The following MDGA1 variants were observed in gnomAD, a reference collection of about 807,000 sequenced individuals.
The protein encoded by MDGA1 is MAM domain containing glycosylphosphatidylinositol anchor 1.
A neutral mutation model predicts 101.5 loss-of-function variants in MDGA1; 54 were observed. The ratio of observed to expected loss-of-function variants is 0.53; its 90% confidence interval spans 0.43 to 0.67. The LOEUF (loss-of-function observed/expected upper bound fraction) is 0.67, where lower values mean the gene tolerates loss of function less well. MDGA1 is among the 30% of genes least tolerant of loss of function. The pLI, the probability that MDGA1 is intolerant of heterozygous loss-of-function variation, is 0.00. For synonymous variants in MDGA1, 533 were observed against 558.3 expected (o/e 0.95, Z 0.64); for missense variants, 1,083 against 1,323.8 (o/e 0.82, Z 2.82).
At chr6:37,647,381 AGAG>A in intron 9 of MDGA1, 57 bp from the exon 10 acceptor site, 1 of 1,130,348 alleles carries the variant, frequency 8.8e-7, no homozygotes, top group Non-Finnish European at 1.2e-6. Flanking sequence ...AGACACAAAG[AGAG>A]GAGGTGTGGG....
At chr6:37,687,347 G>C (rs1009413478) in intron 1 of MDGA1, among the ~76,000 whole-genome samples, 4 of 149,568 alleles carry the variant, frequency 2.7e-5, no homozygotes, top group Non-Finnish European at 5.9e-5. Context: ...CTTGAGCCCA[G>C]AGTTTGAGAC....
chr6:37,652,670 C>T lies in MDGA1; in HGVS notation c.983-330G>A, dbSNP rs1394606454. On this transcript the variant is annotated intron_variant, in intron 6 of 16. Coordinates refer to ENST00000434837, the MANE Select transcript of MDGA1 (RefSeq NM_153487.4). The surrounding 1 kb of genome is among the most constrained non-coding windows in gnomAD (Gnocchi z 4.3). The stretch of plus-strand genomic sequence containing the variant: ...AATCTCTGAAGGAGATGCTTTATTA[C>T]CCCCATTTTACAAAGAAGGGAACTG... Among the ~76,000 whole-genome samples, 1 of 152,210 alleles carries T rather than the reference C, an allele frequency of 6.6e-6. No individual in the cohort carries two copies. Among genetic ancestry groups the T allele is most frequent in the Non-Finnish European group, 1.5e-5 (1 of 68,038 alleles).
Position 37,638,399 on chromosome 6 carries a change from T to C in MDGA1, c.2668-86A>G, listed in dbSNP as rs2113993454. ...GCTCCCTCGACCCCACCTTTCCCCT[T>C]AATCTACCTGGAAGTTCCCCCTAAC... On this transcript the variant is annotated intron_variant, in intron 15 of 16. Transcript: ENST00000434837. The surrounding 1 kb of genome is among the most constrained non-coding windows in gnomAD (Gnocchi z 4.8). 1.3e-6 allele frequency: 2 copies of C among 1,505,676 alleles called. No homozygotes were observed. The highest frequency in any genetic ancestry group is 1.4e-5 in the African/African-American group (1 of 72,866). 93.3% of individuals were successfully genotyped at this position (1,505,676 alleles called of 1,614,324 possible).
At chr6:37,676,770 G>A (rs533204896) in intron 1 of MDGA1, among the ~76,000 whole-genome samples, 1 of 152,282 alleles carries the variant, frequency 6.6e-6, no homozygotes, top group South Asian at 2.1e-4. Flanking sequence ...GGTGGCTTGT[G>A]CCTGTAATCC....
In MDGA1 at chr6:37,636,108, A is replaced by G. The variant is rs1561836503; in HGVS notation, c.*1260T>C. ...GAAGGGGCTGGGCCTTCTCTCTCCC[A>G]TGGATGGCTAGGTGGGGGCTCAGGT... On this transcript the variant is annotated 3_prime_UTR_variant, in exon 17 of 17. Coordinates refer to ENST00000434837, the MANE Select transcript of MDGA1 (RefSeq NM_153487.4). The G allele has an allele frequency of 2.3e-5, 4 of 171,176 alleles. No individual in the cohort carries two copies. The East Asian group carries it at 6.6e-4, about 28-fold the overall frequency. The allele number at this position is 171,176 out of a possible 1,614,324, so 10.6% of individuals were successfully genotyped here.
chr6:37,676,845 T>C (rs1972188), intron 1 of MDGA1, among the ~76,000 whole-genome samples: 126,866 of 150,830 alleles, frequency 0.84, 53,854 homozygotes, highest in African/African-American at 0.96. Context: ...TGCAGTGAGC[T>C]GAGATTGTGC....
intron 5 of MDGA1, 60 bp downstream of exon 5, chr6:37,654,740 A>G: frequency 6.2e-7 from 1 of 1,605,206 alleles, no homozygotes. Context: ...GTGGGGCACT[A>G]TCTCCTGGTT....
chr6:37,649,161 G>A lies in MDGA1; in HGVS notation c.1715C>T (p.Ser572Leu), dbSNP rs560734390. 28 of 1,503,286 alleles carry A rather than the reference G, an allele frequency of 1.9e-5. No homozygotes were observed. In the Admixed American group the frequency reaches 5.2e-4, roughly 28 times the overall value. The allele number at this position is 1,503,286 out of a possible 1,614,324, so 93.1% of individuals were successfully genotyped here. Residue 572 changes from serine to leucine, a missense_variant, in exon 9 of 17, where the codon TCG becomes TTG. Transcript: ENST00000434837. ...LLRGSPQRIA[S>L]AVWRFKGQLL... is the part of the protein sequence containing the mutation. ...CTGCCCTTTGAAACGCCACACAGCC[G>A]AGGCGATGCGCTGGGGGCTGCCTCG...
Position 37,641,230 on chromosome 6 carries a change from A to G in MDGA1, c.2537-2563T>C, listed in dbSNP as rs1209104882. 2.0e-5 allele frequency among the ~76,000 whole-genome samples: 3 copies of G among 152,272 alleles called. No individual in the cohort carries two copies. In the East Asian group the frequency reaches 5.8e-4, roughly 29 times the overall value. ...CTCTCTCCCACCAGGGGGTCTGTCTATCTGGTGTCACAGATGGTACACCTT... is the reference window on the plus strand; with the variant it reads ...CTCTCTCCCACCAGGGGGTCTGTCTGTCTGGTGTCACAGATGGTACACCTT... On this transcript the variant is annotated intron_variant, in intron 14 of 16. Transcript: ENST00000434837.
Position 37,638,457 on chromosome 6 carries a change from A to G in MDGA1, c.2667+80T>C. 6.3e-7 allele frequency: 1 copy of G among 1,590,678 alleles called. No individual in the cohort carries two copies. On this transcript the variant is annotated intron_variant, in intron 15 of 16. Transcript: ENST00000434837. The surrounding 1 kb of genome is among the most constrained non-coding windows in gnomAD (Gnocchi z 4.8). Reference sequence around the variant, plus strand: ...TTTCCATCCTTAGCCCCCAGGAAGAAGGACAAGGTTTTCCTAAGTGTTTCC... The same window carrying G: ...TTTCCATCCTTAGCCCCCAGGAAGAGGGACAAGGTTTTCCTAAGTGTTTCC...
chr6:37,671,039 T>C (rs932646615), intron 1 of MDGA1, among the ~76,000 whole-genome samples: 11 of 152,214 alleles, frequency 7.2e-5, no homozygotes, highest in Non-Finnish European at 1.0e-4. Flanking sequence ...GAACCAAGTG[T>C]GCTTCCTTGC....
chr6:37,654,864 C>T lies in MDGA1; in HGVS notation c.648G>A (p.Val216=), dbSNP rs750226346. The T allele has an allele frequency of 1.9e-6, 3 of 1,613,816 alleles. No individual in the cohort carries two copies. Among genetic ancestry groups the T allele is most frequent in the Non-Finnish European group, 2.5e-6 (3 of 1,179,842 alleles). ...PQDYASYTCQ[V]SVRNVCGIPD... is the part of the protein sequence containing the mutation. Reference sequence around the variant, plus strand: ...GGATGCCGCACACGTTACGCACAGACACCTGGCAGGTGTAGCTGGCATAGT... The same window carrying T: ...GGATGCCGCACACGTTACGCACAGATACCTGGCAGGTGTAGCTGGCATAGT... Residue 216 remains valine (V), a synonymous_variant, in exon 5 of 17, where the codon GTG becomes GTA. Transcript: ENST00000434837.
At position 37,646,264 on chromosome 6, in the gene MDGA1, G is replaced by A. The variant is rs779833010; in HGVS notation, c.2158C>T (p.Arg720Cys). 44 of 1,605,200 alleles carry A rather than the reference G, an allele frequency of 2.7e-5. No individual in the cohort carries two copies. In the Middle Eastern group the frequency reaches 5.0e-4, roughly 18 times the overall value. Reference protein sequence around the residue: ...DLRVPHSYEVRLTPYTTFGAG... With the variant: ...DLRVPHSYEVCLTPYTTFGAG... ...CCGAAGGTGGTATAGGGTGTGAGGCGGACCTCATAGCTGTGGGGCACACGG... is the reference window on the plus strand; with the variant it reads ...CCGAAGGTGGTATAGGGTGTGAGGCAGACCTCATAGCTGTGGGGCACACGG... Residue 720 changes from arginine (R) to cysteine (C), a missense_variant, in exon 11 of 17, where the codon CGC (arginine) becomes TGC (cysteine). This residue lies in a region of MDGA1 where 657 missense variants were observed against 771.4 expected (regional missense o/e 0.85). Transcript: ENST00000434837.
intron 6 of MDGA1, among the ~76,000 whole-genome samples, chr6:37,653,151 T>G (rs1046523027): frequency 6.6e-6 from 1 of 152,208 alleles, no homozygotes; most frequent in South Asian, 2.1e-4. Flanking sequence ...AGGTCTGTGC[T>G]GGGAAAGGCG....
intron 14 of MDGA1, among the ~76,000 whole-genome samples, chr6:37,642,679 CAG>C (rs1473649015): frequency 2.0e-5 from 3 of 152,172 alleles, no homozygotes; most frequent in Non-Finnish European, 2.9e-5. Context: ...ATGTCCTCAG[CAG>C]AGTCTTCCAT....
Position 37,652,338 on chromosome 6 carries a change from T to C in MDGA1, c.985A>G (p.Met329Val), listed in dbSNP as rs1482678168. The C allele has an allele frequency of 1.2e-6, 2 of 1,602,396 alleles. No homozygotes were observed. The highest frequency in any genetic ancestry group is 1.3e-5 in the African/African-American group (1 of 74,746). The change falls in exon 7 of 17, where the codon ATG becomes GTG. Residue 329 changes from methionine to valine, a missense_variant and splice_region_variant. Physicochemically the swap from Met to Val is conservative, Grantham distance 21. Around this residue, in one of 3 missense-constraint regions of MDGA1, gnomAD observed 116 missense variants for 196.6 expected, o/e 0.59. Coordinates refer to ENST00000434837, the MANE Select transcript of MDGA1 (RefSeq NM_153487.4). The surrounding 1 kb of genome is among the most constrained non-coding windows in gnomAD (Gnocchi z 4.3). ...KKTVNLLVRS[M>V]KNATFQITPD... is the part of the protein sequence containing the mutation. The stretch of plus-strand genomic sequence containing the variant: ...GTGATCTGGAATGTAGCGTTCTTCA[T>C]GGCTGTGAGTGGATGGGGAGGGAAG...
At chr6:37,648,684 G>T (rs1561843507) in intron 9 of MDGA1, 1 of 523,864 alleles carries the variant, frequency 1.9e-6, no homozygotes, top group Non-Finnish European at 3.3e-6. Flanking sequence ...GACTGGTATA[G>T]GCATAGGCGG....
intron 1 of MDGA1, among the ~76,000 whole-genome samples, chr6:37,685,547 G>A (rs1762179743): frequency 6.6e-6 from 1 of 152,214 alleles, no homozygotes; most frequent in Non-Finnish European, 1.5e-5. Context: ...CTCCGGACCA[G>A]AGCCTCTCAC....
intron 6 of MDGA1, among the ~76,000 whole-genome samples, chr6:37,653,740 T>TA (rs1761420159): frequency 6.6e-6 from 1 of 152,238 alleles, no homozygotes; most frequent in Non-Finnish European, 1.5e-5. Context: ...AAAATGTTTA[T>TA]ACTTCTTTAG....
Sources: allele counts gnomAD v4.1 joint callset (sites outside exome capture counted in the v4.1 genomes callset), GRCh38; gene constraint gnomAD v4.1.1; regional missense constraint gnomAD v4.1.1; non-coding constraint Gnocchi (gnomAD v3.1); transcripts MANE v1.5; gene names NCBI Gene and HGNC (gene_info 2026-07-23, HGNC 2026-07-21).